The following NFIX variants were observed in gnomAD, a reference collection of about 807,000 sequenced individuals.
NFIX encodes nuclear factor 1 X-type.
NFIX carries 2 observed loss-of-function variants against 53.3 expected under a neutral mutation model. The observed-to-expected ratio is 0.04, with a 90% CI of 0.02 to 0.12. NFIX has a LOEUF of 0.12. NFIX is among the 10% of genes least tolerant of loss of function. The pLI is 1.00. For missense variants in NFIX, 310 were observed against 674.5 expected (o/e 0.46, Z 5.99); for synonymous variants, 244 against 289.0 (o/e 0.84, Z 1.58).
In NFIX at chr19:13,005,970, C is replaced by T. The variant is rs1327929956; in HGVS notation, c.27+10106C>T. On this transcript the variant is annotated intron_variant, in intron 1 of 10. Coordinates refer to ENST00000592199, the MANE Select transcript of NFIX (RefSeq NM_001365902.3). This position sits in a 1 kb window ranked among gnomAD's most constrained non-coding sequence, Gnocchi z 4.7. ...GGAGCTCAAATGCTGGGGGTGCAGC[C>T]GGGAGCCTGTGCATTCCTTCGACAA... 6.6e-6 allele frequency among the ~76,000 whole-genome samples: 1 copy of T among 152,192 alleles called. No individual in the cohort carries two copies. Among genetic ancestry groups the T allele is most frequent in the East Asian group, 1.9e-4 (1 of 5,194 alleles).
chr19:13,094,946 A>G lies in NFIX; in HGVS notation c.*297A>G. The stretch of plus-strand genomic sequence containing the variant: ...GTCAAGTAGAGGACAGAAAGCAAGA[A>G]AGGATGCAGAACTGCCTTCCTCCCC... On this transcript the variant is annotated 3_prime_UTR_variant, in exon 11 of 11. Coordinates refer to ENST00000592199, the MANE Select transcript of NFIX (RefSeq NM_001365902.3). The surrounding 1 kb of genome is among the most constrained non-coding windows in gnomAD (Gnocchi z 4.3). 1 of 393,510 alleles carries G rather than the reference A, an allele frequency of 2.5e-6. No individual in the cohort carries two copies. The highest frequency in any genetic ancestry group is 4.7e-6 in the Non-Finnish European group (1 of 214,992). 24.4% of individuals were successfully genotyped at this position (393,510 alleles called of 1,614,324 possible).
chr19:13,088,233 A>C lies in NFIX; in HGVS notation c.1402+97A>C. The stretch of plus-strand genomic sequence containing the variant: ...AAGAAAAGCCTTCCCCCTCCCCACC[A>C]CCAAAGCCCCCCAACCCAGAGCACC... On this transcript the variant is annotated intron_variant, in intron 9 of 10. Transcript: ENST00000592199. The surrounding 1 kb of genome is among the most constrained non-coding windows in gnomAD (Gnocchi z 5.9). The C allele has an allele frequency of 5.1e-6, 7 of 1,363,408 alleles. No homozygotes were observed. The highest frequency in any genetic ancestry group is 6.9e-6 in the Non-Finnish European group (7 of 1,013,734). The allele number at this position is 1,363,408 out of a possible 1,614,324, so 84.5% of individuals were successfully genotyped here. A position where few individuals can be genotyped will look rare whatever the true frequency, so the allele number is the denominator to read the frequency against.
At chr19:13,018,348 G>GGGGGGGGGGGGT (rs2012783084) in intron 1 of NFIX, among the ~76,000 whole-genome samples, 1 of 117,568 alleles carries the variant, frequency 8.5e-6, no homozygotes, top group Non-Finnish European at 1.9e-5. Flanking sequence ...GGGGGGGGGG[G>GGGGGGGGGGGGT]GGGCGCGGTT....
rs1377235317 is a variant in NFIX, at chr19:13,040,110, A to G, written c.559+14558A>G. On this transcript the variant is annotated intron_variant, in intron 2 of 10. Transcript: ENST00000592199. This position sits in a 1 kb window ranked among gnomAD's most constrained non-coding sequence, Gnocchi z 4.2. ...GTTCAAAGAGACTTGGTTTTTCAAA[A>G]TACTTGTTTTTATTTTATGTGAATG... is the stretch of plus-strand genomic sequence containing the variant. Among the ~76,000 whole-genome samples, 1 of 152,134 alleles carries G rather than the reference A, an allele frequency of 6.6e-6. No homozygotes were observed. Among genetic ancestry groups the G allele is most frequent in the Admixed American group, 6.5e-5 (1 of 15,272 alleles).
At chr19:13,059,057 T>A (rs560437062) in intron 2 of NFIX, among the ~76,000 whole-genome samples, 1 of 152,226 alleles carries the variant, frequency 6.6e-6, no homozygotes, top group South Asian at 2.1e-4. Context: ...CACATCCACA[T>A]GCACGTGCAC....
Position 13,025,555 on chromosome 19 carries a change from A to G in NFIX, c.559+3A>G. ...GGCTTACTTTGTCCACACTCCGGGT[A>G]GGTCGTTCTCAACCATTTTTCCCTC... On this transcript the variant is annotated splice_donor_region_variant and intron_variant, in intron 2 of 10. Transcript: ENST00000592199. This position sits in a 1 kb window ranked among gnomAD's most constrained non-coding sequence, Gnocchi z 7.5. 6.2e-7 allele frequency: 1 copy of G among 1,602,330 alleles called. No homozygotes were observed. Among genetic ancestry groups the G allele is most frequent in the Non-Finnish European group, 8.5e-7 (1 of 1,172,188 alleles).
chr19:13,010,644 A>T (rs768991330), intron 1 of NFIX, among the ~76,000 whole-genome samples: 1 of 152,040 alleles, frequency 6.6e-6, no homozygotes, highest in Non-Finnish European at 1.5e-5. Context: ...GAGCACAGGT[A>T]CTCGAGCCCT....
Position 13,081,698 on chromosome 19 carries a change from C to T in NFIX, c.1097C>T (p.Ala366Val), listed in dbSNP as rs748698191. The T allele has an allele frequency of 6.2e-7, 1 of 1,613,786 alleles. No individual in the cohort carries two copies. Among genetic ancestry groups the T allele is most frequent in the African/African-American group, 1.3e-5 (1 of 74,932 alleles). The change falls in exon 8 of 11, where the codon GCA becomes GTA. Residue 366 changes from alanine (A) to valine (V), a missense_variant. By Grantham distance (64) the Ala-to-Val change is moderately conservative. Coordinates refer to ENST00000592199, the MANE Select transcript of NFIX (RefSeq NM_001365902.3). This position sits in a 1 kb window ranked among gnomAD's most constrained non-coding sequence, Gnocchi z 4.7. ...GVRPGSPRAT[A>V]SALHFPSTSI... Reference sequence around the variant, plus strand: ...CATGCAGGGAGCCCCCGGGCCACAGCATCAGCCCTGCACTTCCCCTCCACG... The same window carrying T: ...CATGCAGGGAGCCCCCGGGCCACAGTATCAGCCCTGCACTTCCCCTCCACG...
intron 2 of NFIX, chr19:13,071,358 G>A (rs1034073650): frequency 6.6e-6 from 1 of 152,206 alleles, no homozygotes; most frequent in African/African-American, 2.4e-5. Context: ...GAGTGAGGTA[G>A]TATCAAGAAA....
At chr19:13,003,063 G>A (rs879597311) in intron 1 of NFIX, among the ~76,000 whole-genome samples, 2 of 152,062 alleles carry the variant, frequency 1.3e-5, no homozygotes, top group Admixed American at 6.6e-5. Context: ...AGGTGGTTCC[G>A]TCCAAATATC....
rs1478011875 is a variant in NFIX at position 13,001,961 on chromosome 19, G to A, written c.27+6097G>A. On this transcript the variant is annotated intron_variant, in intron 1 of 10. Transcript: ENST00000592199. The surrounding 1 kb of genome is among the most constrained non-coding windows in gnomAD (Gnocchi z 6.5). ...GGCAGCGAGGTGCGGGCGTGTGTTC[G>A]GGCCGCCCACAGGCCTCCCTCTGTC... is the stretch of plus-strand genomic sequence containing the variant. Among the ~76,000 whole-genome samples the A allele has an allele frequency of 3.9e-5, 6 of 152,174 alleles. No individual in the cohort carries two copies. The highest frequency in any genetic ancestry group is 2.4e-5 in the African/African-American group (1 of 41,446).
rs1283022581 is a variant in NFIX at position 13,027,666 on chromosome 19, G to A, written c.559+2114G>A. ...TAGGCCGAATTCTTGACTGCTGCCA[G>A]TGTGGGGCTAAGGTAGGATGAAAAG... On this transcript the variant is annotated intron_variant, in intron 2 of 10. Transcript: ENST00000592199. This position sits in a 1 kb window ranked among gnomAD's most constrained non-coding sequence, Gnocchi z 4.3. 6.6e-6 allele frequency among the ~76,000 whole-genome samples: 1 copy of A among 152,188 alleles called. No homozygotes were observed. The highest frequency in any genetic ancestry group is 2.4e-5 in the African/African-American group (1 of 41,436).
chr19:13,024,935 T>G, intron 1 of NFIX, 86 bp from the exon 2 acceptor site: 2 of 1,500,068 alleles, frequency 1.3e-6, no homozygotes, highest in Non-Finnish European at 1.8e-6. Context: ...TAACGCTGCT[T>G]TTCTCCTTCT....
intron 2 of NFIX, among the ~76,000 whole-genome samples, chr19:13,048,275 G>C (rs2015114779): frequency 6.6e-6 from 1 of 152,088 alleles, no homozygotes; most frequent in Non-Finnish European, 1.5e-5. Context: ...TGGACAGCTT[G>C]CCCCCGTATC....
At chr19:13,086,955 G>A (rs1024566643) in intron 8 of NFIX, among the ~76,000 whole-genome samples, 1 of 152,242 alleles carries the variant, frequency 6.6e-6, no homozygotes, top group Non-Finnish European at 1.5e-5. Context: ...TCTGGGTCTC[G>A]CATCCGGGTG....
In NFIX at chr19:13,072,480, A is replaced by C. The variant is rs2016831377; in HGVS notation, c.560-567A>C. Among the ~76,000 whole-genome samples, 1 of 152,236 alleles carries C rather than the reference A, an allele frequency of 6.6e-6. No individual in the cohort carries two copies. The highest frequency in any genetic ancestry group is 1.5e-5 in the Non-Finnish European group (1 of 68,036). ...AAGGTGAGGTGGGGGAGGCGCAGGC[A>C]GACAGGAATGGCTTCAATTAACCAA... On this transcript the variant is annotated intron_variant, in intron 2 of 10. Transcript: ENST00000592199. The surrounding 1 kb of genome is among the most constrained non-coding windows in gnomAD (Gnocchi z 4.0).
rs1219562388 is a variant in NFIX at position 12,996,781 on chromosome 19, G to A, written c.27+917G>A. Among the ~76,000 whole-genome samples the A allele has an allele frequency of 6.6e-6, 1 of 152,250 alleles. No homozygotes were observed. Among genetic ancestry groups the A allele is most frequent in the East Asian group, 1.9e-4 (1 of 5,200 alleles). On this transcript the variant is annotated intron_variant, in intron 1 of 10. Coordinates refer to ENST00000592199, the MANE Select transcript of NFIX (RefSeq NM_001365902.3). This position sits in a 1 kb window ranked among gnomAD's most constrained non-coding sequence, Gnocchi z 5.2. The stretch of plus-strand genomic sequence containing the variant: ...TCGGGTCAGCCTCGGGCACAACAGC[G>A]CCGACCTTGGCGCGTTGCTAGAGCG...
intron 10 of NFIX, among the ~76,000 whole-genome samples, chr19:13,092,679 A>G (rs1182596673): frequency 6.6e-6 from 1 of 152,236 alleles, no homozygotes; most frequent in African/African-American, 2.4e-5. Context: ...GTTCCTGTAT[A>G]GTCTCCCCTT....
chr19:13,073,032 T>C lies in NFIX; in HGVS notation c.560-15T>C. The C allele has an allele frequency of 3.7e-6, 6 of 1,613,622 alleles. No individual in the cohort carries two copies. Among genetic ancestry groups the C allele is most frequent in the Non-Finnish European group, 4.2e-6 (5 of 1,179,600 alleles). ...TTTGCTCCTGATACATTCTCCCCTT[T>C]TGTGTCTCCTGCAGAATCCGGACAA... On this transcript the variant is annotated splice_polypyrimidine_tract_variant and intron_variant, in intron 2 of 10. Coordinates refer to ENST00000592199, the MANE Select transcript of NFIX (RefSeq NM_001365902.3). This position sits in a 1 kb window ranked among gnomAD's most constrained non-coding sequence, Gnocchi z 4.5.
Sources: allele counts gnomAD v4.1 joint callset (sites outside exome capture counted in the v4.1 genomes callset), GRCh38; gene constraint gnomAD v4.1.1; non-coding constraint Gnocchi (gnomAD v3.1); transcripts MANE v1.5; gene names NCBI Gene and HGNC (gene_info 2026-07-23, HGNC 2026-07-21).